The following HEATR5A variants were observed in gnomAD, a reference collection of about 807,000 sequenced individuals.
The protein encoded by HEATR5A is HEAT repeat containing 5A.
A neutral mutation model predicts 218.8 loss-of-function variants in HEATR5A; 178 were observed. The observed-to-expected ratio is 0.81, with a 90% CI of 0.72 to 0.92. The LOEUF is 0.92. Ranked by LOEUF, HEATR5A falls within the 40% of genes least tolerant of loss-of-function variation. The pLI, the probability that HEATR5A is intolerant of heterozygous loss-of-function variation, is 0.00. For missense variants in HEATR5A, 2,420 were observed against 2,418.9 expected, an observed-to-expected ratio of 1.00 and a Z score of -0.01; for synonymous variants, 864 against 871.6, an observed-to-expected ratio of 0.99 and a Z score of 0.15.
At chr14:31,358,194 C>CCAGTGGT (rs1901493310) in intron 16 of HEATR5A, among the ~76,000 whole-genome samples, 1 of 152,104 alleles carries the variant, frequency 6.6e-6, no homozygotes, top group Admixed American at 6.5e-5. Flanking sequence ...AGGTTGGGGA[C>CCAGTGGT]CACTGGTCTA....
intron 16 of HEATR5A, among the ~76,000 whole-genome samples, chr14:31,352,838 C>T (rs1354509094): frequency 6.6e-6 from 1 of 151,868 alleles, no homozygotes; most frequent in African/African-American, 2.4e-5. Flanking sequence ...TGTGCCTGTA[C>T]TCCCAGCTAC....
intron 22 of HEATR5A, 29 bp from the exon 23 acceptor site, chr14:31,326,371 T>C (rs1900265818): frequency 6.4e-7 from 1 of 1,554,078 alleles, no homozygotes; most frequent in South Asian, 1.2e-5. Context: ...ATTATCTAAG[T>C]AATACAGAAA....
chr14:31,407,459 T>A (rs2031110613), intron 1 of HEATR5A, among the ~76,000 whole-genome samples: 1 of 152,116 alleles, frequency 6.6e-6, no homozygotes, highest in Admixed American at 6.6e-5. Flanking sequence ...ATTATGACTC[T>A]CCATGAATGC....
intron 22 of HEATR5A, among the ~76,000 whole-genome samples, chr14:31,327,834 C>T (rs1900320960): frequency 6.6e-6 from 1 of 152,134 alleles, no homozygotes; most frequent in South Asian, 2.1e-4. Flanking sequence ...CTAGCATCTA[C>T]TATTACCTTT....
chr14:31,389,175 C>A (rs1375906970), intron 6 of HEATR5A, among the ~76,000 whole-genome samples, 170 bp from the exon 7 acceptor site: 2 of 152,168 alleles, frequency 1.3e-5, no homozygotes, highest in Non-Finnish European at 2.9e-5. Context: ...CACAAGGGGT[C>A]AGAGGTCAAA....
chr14:31,390,488 A>C (rs539466816), intron 6 of HEATR5A, among the ~76,000 whole-genome samples: 1 of 152,242 alleles, frequency 6.6e-6, no homozygotes, highest in Non-Finnish European at 1.5e-5. Context: ...ACATAAATAT[A>C]TATTTTAAAC....
intron 10 of HEATR5A, 33 bp downstream of exon 10, chr14:31,383,488 C>A: frequency 6.4e-7 from 1 of 1,570,668 alleles, no homozygotes; most frequent in South Asian, 1.2e-5. Context: ...CAAAAAGCAC[C>A]TCATTATCAT....
chr14:31,353,404 A>C (rs1901301921), intron 16 of HEATR5A, among the ~76,000 whole-genome samples: 1 of 152,126 alleles, frequency 6.6e-6, no homozygotes, highest in Non-Finnish European at 1.5e-5. Flanking sequence ...CATTTAGGCT[A>C]TTTCTAATTT....
chr14:31,319,132 T>C (rs1455416047), intron 25 of HEATR5A, among the ~76,000 whole-genome samples: 3 of 152,170 alleles, frequency 2.0e-5, no homozygotes, highest in Non-Finnish European at 2.9e-5. Context: ...AATTATAATA[T>C]TTCATTCTAA....
chr14:31,408,814 T>C (rs1291961450), intron 1 of HEATR5A, among the ~76,000 whole-genome samples: 1 of 150,942 alleles, frequency 6.6e-6, no homozygotes, highest in African/African-American at 2.4e-5. Flanking sequence ...CAGAGTTTTC[T>C]TTTCTTTCCT....
intron 11 of HEATR5A, among the ~76,000 whole-genome samples, chr14:31,376,130 T>C (rs1220259745): frequency 1.3e-5 from 2 of 152,200 alleles, no homozygotes; most frequent in Non-Finnish European, 2.9e-5. Context: ...ATTTAACCTT[T>C]TTCTGCCTCA....
chr14:31,342,747 A>G (rs1339799880), intron 21 of HEATR5A, among the ~76,000 whole-genome samples: 1 of 152,216 alleles, frequency 6.6e-6, no homozygotes, highest in African/African-American at 2.4e-5. Context: ...TAGGTGAGCT[A>G]GATGTGTTAC....
At chr14:31,402,183 T>G (rs1292873513) in intron 2 of HEATR5A, among the ~76,000 whole-genome samples, 1 of 152,254 alleles carries the variant, frequency 6.6e-6, no homozygotes, top group Non-Finnish European at 1.5e-5. Flanking sequence ...TCTGTTAAAT[T>G]CTAAATGTCT....
chr14:31,401,956 A>G (rs2030893969), intron 2 of HEATR5A, among the ~76,000 whole-genome samples: 1 of 152,222 alleles, frequency 6.6e-6, no homozygotes. Flanking sequence ...CAGGTGCTCA[A>G]TGAGGCCTAA....
intron 16 of HEATR5A, 60 bp downstream of exon 16, chr14:31,358,577 A>G: frequency 1.4e-6 from 2 of 1,412,156 alleles, no homozygotes; most frequent in Admixed American, 4.2e-5. Flanking sequence ...ATCTCTGGCA[A>G]CATTCTTCTT....
intron 30 of HEATR5A, 78 bp downstream of exon 30, chr14:31,307,815 T>C: frequency 6.7e-7 from 1 of 1,494,660 alleles, no homozygotes; most frequent in Non-Finnish European, 9.0e-7. Flanking sequence ...TTACTTTCTG[T>C]TAACTATAGA....
Position 31,338,401 on chromosome 14 carries a change from A to T in HEATR5A, c.3229-787T>A, listed in dbSNP as rs151315677. 9.6e-3 allele frequency among the ~76,000 whole-genome samples: 1,466 copies of T among 152,134 alleles called. 20 individuals are homozygous for T. Among genetic ancestry groups the T allele is most frequent in the African/African-American group, 0.033 (1,382 of 41,514 alleles). ...CAAGCATTACAGAACACCAAATTTT[A>T]TATATATATACATATTTATGTATTG... On this transcript the variant is annotated intron_variant, in intron 21 of 35. Coordinates refer to ENST00000543095, the MANE Select transcript of HEATR5A (RefSeq NM_015473.4).
At chr14:31,346,545 A>G (rs1485955262) in intron 19 of HEATR5A, among the ~76,000 whole-genome samples, 1 of 152,210 alleles carries the variant, frequency 6.6e-6, no homozygotes, top group Non-Finnish European at 1.5e-5. Flanking sequence ...AAGAAAAGGT[A>G]AATGTAGACA....
chr14:31,387,370 A>G lies in HEATR5A; in HGVS notation c.939T>C (p.Tyr313=), dbSNP rs2030268591. The G allele has an allele frequency of 3.7e-6, 6 of 1,609,474 alleles. No homozygotes were observed. The highest frequency in any genetic ancestry group is 5.1e-6 in the Non-Finnish European group (6 of 1,177,276). The change falls in exon 8 of 36, where the codon TAT becomes TAC. Residue 313 remains tyrosine, a synonymous_variant. Transcript: ENST00000543095. ...RDVRVGVTQA[Y]VVFVSTLGGA... is the part of the protein sequence containing the mutation. ...CTCCTAGTGTTGAAACAAATACCAC[A>G]TAAGCCTAAAAAGGAAAAGAGTTTT...
Sources: allele counts gnomAD v4.1 joint callset (sites outside exome capture counted in the v4.1 genomes callset), GRCh38; gene constraint gnomAD v4.1.1; transcripts MANE v1.5; gene names NCBI Gene and HGNC (gene_info 2026-07-23, HGNC 2026-07-21).